The following GORASP2 variants were observed in gnomAD, a reference collection of about 807,000 sequenced individuals.
The protein encoded by GORASP2 is golgi reassembly stacking protein 2, also known as Golgi reassembly-stacking protein 2.
A neutral mutation model predicts 45.7 loss-of-function variants in GORASP2; 22 were observed. That is an observed-to-expected ratio of 0.48 (90% confidence interval 0.34 to 0.69). The LOEUF (loss-of-function observed/expected upper bound fraction) is 0.69. Among genes scored for constraint, GORASP2 ranks in the 30% least tolerant of loss-of-function variants. The pLI, the probability that GORASP2 is intolerant of heterozygous loss-of-function variation, is 0.01. For missense variants in GORASP2, 491 were observed against 562.7 expected, an observed-to-expected ratio of 0.87 and a Z score of 1.29; for synonymous variants, 221 against 215.6, an observed-to-expected ratio of 1.02 and a Z score of -0.22.
chr2:170,929,016 A>C, upstream of GORASP2: 1 of 276,170 alleles, frequency 3.6e-6, no homozygotes. Flanking sequence ...CCCCGTAGCA[A>C]GGCGCCAAAG....
At chr2:170,940,989 C>T (rs1246331807) in intron 1 of GORASP2, among the ~76,000 whole-genome samples, 1 of 152,088 alleles carries the variant, frequency 6.6e-6, no homozygotes, top group East Asian at 1.9e-4. Flanking sequence ...ATGCAAATTT[C>T]TTTTTATGTA....
intron 1 of GORASP2, among the ~76,000 whole-genome samples, chr2:170,940,376 C>T (rs1174307093): frequency 2.6e-5 from 4 of 152,104 alleles, no homozygotes; most frequent in Non-Finnish European, 5.9e-5. Context: ...CCAACTCCAC[C>T]CAAACACTTC....
chr2:170,954,795 T>G lies in GORASP2; in HGVS notation c.699+13T>G. Reference sequence around the variant, plus strand: ...TGGGTTTACAGAGGTAAGATCACGTTCCTACCTGAGTATATCATAAAGTTT... The same window carrying G: ...TGGGTTTACAGAGGTAAGATCACGTGCCTACCTGAGTATATCATAAAGTTT... On this transcript the variant is annotated intron_variant, in intron 6 of 9. Coordinates refer to ENST00000234160, the MANE Select transcript of GORASP2 (RefSeq NM_015530.5). The G allele has an allele frequency of 6.2e-7, 1 of 1,604,096 alleles. No homozygotes were observed. The highest frequency in any genetic ancestry group is 8.5e-7 in the Non-Finnish European group (1 of 1,173,422).
At chr2:170,951,611 C>G (rs1704299851) in intron 5 of GORASP2, 153 bp downstream of exon 5, 1 of 588,748 alleles carries the variant, frequency 1.7e-6, no homozygotes, top group Non-Finnish European at 2.9e-6. Context: ...ATATTGAAAC[C>G]AATTTTTTTA....
chr2:170,928,537 A>G (rs1211675909), upstream of GORASP2: 1 of 152,300 alleles, frequency 6.6e-6, no homozygotes, highest in Admixed American at 6.5e-5. Context: ...ATAAGCATGA[A>G]TACGACCTGG....
chr2:170,933,816 C>A (rs780804048), intron 1 of GORASP2, among the ~76,000 whole-genome samples: 7 of 152,152 alleles, frequency 4.6e-5, no homozygotes, highest in Admixed American at 6.5e-5. Flanking sequence ...CTTTCTCATG[C>A]TTGCTTCTGG....
intron 1 of GORASP2, chr2:170,929,876 C>G: frequency 4.7e-6 from 2 of 421,638 alleles, no homozygotes; most frequent in Non-Finnish European, 5.0e-6. Context: ...GTTAAATCAC[C>G]TCGGCGCCGG....
At chr2:170,964,326 T>C (rs904794597) in intron 9 of GORASP2, among the ~76,000 whole-genome samples, 1 of 152,198 alleles carries the variant, frequency 6.6e-6, no homozygotes, top group Non-Finnish European at 1.5e-5. Context: ...GTATATTCCT[T>C]AACCTACTTA....
At chr2:170,929,919 A>G in intron 1 of GORASP2, 2 of 372,734 alleles carry the variant, frequency 5.4e-6, no homozygotes, top group Non-Finnish European at 1.1e-5. Context: ...AGGGCAGGAG[A>G]CGGAAAACCA....
chr2:170,957,983 C>T (rs1399791828), intron 7 of GORASP2, among the ~76,000 whole-genome samples: 2 of 152,144 alleles, frequency 1.3e-5, no homozygotes, highest in Non-Finnish European at 2.9e-5. Context: ...TATTTCTGGG[C>T]TGTCTTAAAT....
At chr2:170,930,057 T>G in intron 1 of GORASP2, 2 of 255,326 alleles carry the variant, frequency 7.8e-6, no homozygotes, top group Middle Eastern at 9.7e-4. Context: ...TCCGTTCTGT[T>G]CCGATTGCTG....
At chr2:170,960,011 G>C (rs1704517833) in intron 7 of GORASP2, among the ~76,000 whole-genome samples, 1 of 151,920 alleles carries the variant, frequency 6.6e-6, no homozygotes, top group Non-Finnish European at 1.5e-5. Context: ...AGTAGAGACA[G>C]GGTTTCACCA....
At chr2:170,965,035 C>G (rs959986034) in intron 9 of GORASP2, among the ~76,000 whole-genome samples, 1 of 150,052 alleles carries the variant, frequency 6.7e-6, no homozygotes, top group African/African-American at 2.5e-5. Context: ...CTTGTAGTCT[C>G]TAGTAGCTGG....
chr2:170,954,443 G>A, intron 5 of GORASP2: 3 of 515,926 alleles, frequency 5.8e-6, no homozygotes, highest in Non-Finnish European at 6.9e-6. Context: ...TTTCTGTGGG[G>A]TGGTCTGGGA....
intron 1 of GORASP2, among the ~76,000 whole-genome samples, chr2:170,944,532 T>G (rs891089779): frequency 3.3e-5 from 5 of 152,198 alleles, no homozygotes; most frequent in African/African-American, 1.2e-4. Flanking sequence ...AATTCAAATT[T>G]AGCTATTGAA....
In GORASP2 at chr2:170,955,323, C is replaced by T. The variant is rs538962831; in HGVS notation, c.699+541C>T. 7.2e-5 allele frequency among the ~76,000 whole-genome samples: 11 copies of T among 152,156 alleles called. No individual in the cohort carries two copies. The East Asian group carries it at 2.1e-3, about 29-fold the overall frequency. ...GGTGAAAAGGTGCTGCTAGCTGTTG[C>T]TTATTGTTTCAAGAAACGATTGAGA... On this transcript the variant is annotated intron_variant, in intron 6 of 9. Coordinates refer to ENST00000234160, the MANE Select transcript of GORASP2 (RefSeq NM_015530.5).
intron 1 of GORASP2, chr2:170,936,874 A>G (rs1703971099): frequency 8.1e-6 from 2 of 245,612 alleles, no homozygotes; most frequent in Non-Finnish European, 1.7e-5. Context: ...GGGTAACAGC[A>G]GCGTCTCTAA....
chr2:170,962,984 A>G, intron 9 of GORASP2, 38 bp downstream of exon 9: 1 of 1,387,088 alleles, frequency 7.2e-7, no homozygotes, highest in Non-Finnish European at 1.0e-6. Context: ...ACTCTCTCTA[A>G]TAAAAGTTTT....
chr2:170,930,053 C>T (rs547288689), intron 1 of GORASP2: 207 of 263,422 alleles, frequency 7.9e-4, no homozygotes, highest in African/African-American at 4.3e-3. Context: ...AACTTCCGTT[C>T]TGTTCCGATT....
Sources: allele counts gnomAD v4.1 joint callset (sites outside exome capture counted in the v4.1 genomes callset), GRCh38; gene constraint gnomAD v4.1.1; transcripts MANE v1.5; gene names NCBI Gene and HGNC (gene_info 2026-07-23, HGNC 2026-07-21).